The following SGCD variants were observed in gnomAD, a reference collection of about 807,000 sequenced individuals.
The protein encoded by SGCD is delta-sarcoglycan.
Under a neutral mutation model 36.6 loss-of-function variants are expected in SGCD, and 18 were observed. The ratio of observed to expected loss-of-function variants is 0.49; its 90% CI spans 0.34 to 0.73. SGCD has a LOEUF of 0.73. SGCD is among the 30% of genes least tolerant of loss of function. The pLI is 0.01. For synonymous variants in SGCD, 133 were observed against 130.6 expected (o/e 1.02, Z -0.12); for missense variants, 387 against 346.7 (o/e 1.12, Z -0.92).
At chr5:156,319,577 G>A (rs1424102982) in intron 3 of SGCD, among the ~76,000 whole-genome samples, 1 of 152,190 alleles carries the variant, frequency 6.6e-6, no homozygotes, top group Non-Finnish European at 1.5e-5. Context: ...AACACAAATT[G>A]TATTTTAGGA....
intron 4 of SGCD, among the ~76,000 whole-genome samples, chr5:156,512,924 CG>C (rs1304606432): frequency 9.3e-5 from 14 of 151,072 alleles, no homozygotes; most frequent in African/African-American, 3.4e-4. Flanking sequence ...CTTAAGAGTA[CG>C]ATTTTTTTTT....
intron 1 of SGCD, among the ~76,000 whole-genome samples, chr5:156,067,639 C>T (rs564758327): frequency 2.8e-5 from 3 of 108,516 alleles, no homozygotes; most frequent in East Asian, 2.5e-4. Context: ...GATATAGTCT[C>T]GTGGTGCGCC....
At chr5:156,193,239 T>C (rs1763936749) in intron 3 of SGCD, among the ~76,000 whole-genome samples, 1 of 152,124 alleles carries the variant, frequency 6.6e-6, no homozygotes, top group African/African-American at 2.4e-5. Flanking sequence ...TAAGACTTTC[T>C]CAAGTCACTG....
At chr5:155,731,133 G>A in the SGCD span, among the ~76,000 whole-genome samples, 3 of 151,926 alleles carry the variant, frequency 2.0e-5, no homozygotes. Flanking sequence ...CGAGAGGGAG[G>A]GACAGAGGGG....
intron 3 of SGCD, among the ~76,000 whole-genome samples, chr5:156,487,449 GCAA>G (rs1561728236): frequency 6.6e-6 from 1 of 152,084 alleles, no homozygotes; most frequent in Non-Finnish European, 1.5e-5. Context: ...ATGTTAAAAA[GCAA>G]GAAAACCTGA....
intron 3 of SGCD, among the ~76,000 whole-genome samples, chr5:156,216,389 G>A (rs191251440): frequency 1.4e-4 from 21 of 152,176 alleles, no homozygotes; most frequent in South Asian, 1.2e-3. Flanking sequence ...GCCATTCCAC[G>A]GTGTATACAT....
intron 1 of SGCD, among the ~76,000 whole-genome samples, chr5:155,934,629 A>G (rs537358619): frequency 1.3e-5 from 2 of 152,280 alleles, no homozygotes; most frequent in Admixed American, 6.5e-5. Flanking sequence ...GTTAATATTT[A>G]TTAACCATTG....
At chr5:156,299,594 T>C (rs576187587) in intron 3 of SGCD, among the ~76,000 whole-genome samples, 13 of 152,280 alleles carry the variant, frequency 8.5e-5, no homozygotes, top group Non-Finnish European at 1.3e-4. Context: ...ATTTTTTGTA[T>C]ATCTTCCTCA....
At position 156,695,138 on chromosome 5, in the gene SGCD, T is replaced by TGTTTG. The variant is rs1561861645; in HGVS notation, c.575+47602_575+47603insGTTTG. Among the ~76,000 whole-genome samples, 153 of 145,898 alleles carry TGTTTG rather than the reference T, an allele frequency of 1.0e-3. No homozygotes were observed. The South Asian group carries it at 0.012, about 11-fold the overall frequency. ...TGTGTGTGTGTGTGTGTGTGTGTGT[T>TGTTTG]TGTGTGTGTGTGTGTGTGTGTTGGT... On this transcript the variant is annotated intron_variant, in intron 7 of 8. Coordinates refer to ENST00000337851, the MANE Select transcript of SGCD (RefSeq NM_000337.6).
At chr5:155,821,952 A>G in the SGCD span, among the ~76,000 whole-genome samples, 1 of 152,210 alleles carries the variant, frequency 6.6e-6, no homozygotes, top group Admixed American at 6.5e-5. Flanking sequence ...CTGACATATA[A>G]TACATGTTAG....
In SGCD at chr5:156,208,808, A is replaced by C. The variant is rs376710269; in HGVS notation, c.-44+84789A>C. 3.7e-3 allele frequency among the ~76,000 whole-genome samples: 561 copies of C among 152,344 alleles called. 2 individuals are homozygous for C. Among genetic ancestry groups the C allele is most frequent in the Non-Finnish European group, 6.5e-3 (439 of 68,036 alleles). ...TCAACATGGTGGAATAGAACTTTCC[A>C]GCATTTGTCACTCTGCAGAAGCATC... On this transcript the variant is annotated intron_variant, in intron 3 of 9. Transcript: ENST00000517913.
chr5:156,342,082 G>A (rs951066324), intron 2 of SGCD, among the ~76,000 whole-genome samples: 1 of 152,186 alleles, frequency 6.6e-6, no homozygotes, highest in Admixed American at 6.5e-5. Context: ...CCTTAGTCAA[G>A]AGAATCACTG....
intron 1 of SGCD, among the ~76,000 whole-genome samples, chr5:156,094,197 G>A (rs1331673006): frequency 6.6e-6 from 1 of 152,202 alleles, no homozygotes; most frequent in East Asian, 1.9e-4. Context: ...TGCTGCTGCA[G>A]CCTTGGGAAG....
intron 1 of SGCD, among the ~76,000 whole-genome samples, chr5:155,961,732 T>G (rs1757794072): frequency 6.6e-6 from 1 of 152,144 alleles, no homozygotes; most frequent in South Asian, 2.1e-4. Flanking sequence ...TTTTCTTTTT[T>G]TACTTTTTGG....
chr5:156,366,503 C>T (rs1447850856), intron 3 of SGCD, among the ~76,000 whole-genome samples: 3 of 151,978 alleles, frequency 2.0e-5, no homozygotes, highest in Non-Finnish European at 4.4e-5. Flanking sequence ...ATACTTTGTA[C>T]TGAGAAAAAG....
At chr5:156,122,488 G>T (rs1021521078) in intron 2 of SGCD, among the ~76,000 whole-genome samples, 1 of 152,068 alleles carries the variant, frequency 6.6e-6, no homozygotes, top group African/African-American at 2.4e-5. Context: ...GCAAAGACGT[G>T]AAACAGTGAG....
At chr5:156,287,072 A>G (rs1766625122) in intron 3 of SGCD, among the ~76,000 whole-genome samples, 1 of 152,178 alleles carries the variant, frequency 6.6e-6, no homozygotes, top group African/African-American at 2.4e-5. Context: ...GGGTAAACAA[A>G]TAGCACACTC....
At chr5:156,072,439 A>G (rs1760607481) in intron 1 of SGCD, among the ~76,000 whole-genome samples, 1 of 152,000 alleles carries the variant, frequency 6.6e-6, no homozygotes, top group Non-Finnish European at 1.5e-5. Context: ...TCTTTTCTTT[A>G]AGAATGTTGA....
intron 7 of SGCD, among the ~76,000 whole-genome samples, chr5:156,697,750 CGGAT>C (rs10544582): frequency 0.11 from 16,504 of 149,050 alleles, 1,177 homozygotes; most frequent in African/African-American, 0.21. Context: ...GATGGACGGA[CGGAT>C]GGATGGATGG....
Sources: allele counts gnomAD v4.1 joint callset (sites outside exome capture counted in the v4.1 genomes callset), GRCh38; gene constraint gnomAD v4.1.1; transcripts MANE v1.5; gene names NCBI Gene and HGNC (gene_info 2026-07-23, HGNC 2026-07-21).